The following LIN54 variants were observed in gnomAD, a reference collection of about 807,000 sequenced individuals.
LIN54 encodes the protein lin-54 DREAM MuvB core complex component.
A neutral mutation model predicts 78.7 loss-of-function variants in LIN54; 9 were observed. The ratio of observed to expected loss-of-function variants is 0.11; its 90% CI spans 0.07 to 0.20. LIN54 has a LOEUF of 0.20. LIN54 is among the 10% of genes least tolerant of loss of function. LIN54 has a pLI of 1.00. For synonymous variants in LIN54, 269 were observed against 318.4 expected (o/e 0.84, Z 1.65); for missense variants, 573 against 889.9 (o/e 0.64, Z 4.53).
At position 82,946,435 on chromosome 4, in the gene LIN54, C is replaced by G; in HGVS notation, c.991G>C (p.Val331Leu). 6.2e-7 allele frequency: 1 copy of G among 1,614,102 alleles called. No individual in the cohort carries two copies. Among genetic ancestry groups the G allele is most frequent in the Non-Finnish European group, 8.5e-7 (1 of 1,179,948 alleles). Residue 331 changes from valine to leucine, a missense_variant, in exon 5 of 13, where the codon GTG becomes CTG. Physicochemically the swap from Val to Leu is conservative, Grantham distance 32. This residue lies in a region of LIN54 where 199 missense variants were observed against 260.9 expected (regional missense o/e 0.76). Coordinates refer to ENST00000340417, the MANE Select transcript of LIN54 (RefSeq NM_194282.4). The stretch of plus-strand genomic sequence containing the variant: ...ATTGTCTTAAACTGTGATGTGCTCA[C>G]TCCTCCAACAGTGATGGTCTGCACA... ...STVQTITVGG[V>L]STSQFKTIIP...
In LIN54 at chr4:82,987,405, AAAAAAAC is replaced by A. The variant is rs1039079907; in HGVS notation, c.-32-2536_-32-2530del. 2.0e-4 allele frequency among the ~76,000 whole-genome samples: 30 copies of A among 152,272 alleles called. No homozygotes were observed. In the South Asian group the frequency reaches 3.5e-3, roughly 18 times the overall value. ...GAAAAAATAAGTCTACTTTTCTAAG[AAAAAAAC>A]AAAAAACAAAAAACAAACGGGATAC... On this transcript the variant is annotated intron_variant, in intron 1 of 12. Coordinates refer to ENST00000340417, the MANE Select transcript of LIN54 (RefSeq NM_194282.4).
intron 4 of LIN54, among the ~76,000 whole-genome samples, chr4:82,950,515 T>C (rs1723767705): frequency 6.6e-6 from 1 of 152,348 alleles, no homozygotes; most frequent in Non-Finnish European, 1.5e-5. Context: ...GAACAACATG[T>C]GAACATCTCT....
rs1215410690 is a variant in LIN54, at chr4:83,001,209, A to G, written c.-33+9275T>C. On this transcript the variant is annotated intron_variant, in intron 1 of 12. Coordinates refer to ENST00000340417, the MANE Select transcript of LIN54 (RefSeq NM_194282.4). ...GACATAACCAATGAAGAAAATCATG[A>G]AATAAATTGTGGATATGACAAAAAT... 3.3e-5 allele frequency among the ~76,000 whole-genome samples: 5 copies of G among 152,324 alleles called. No homozygotes were observed. In the East Asian group the frequency reaches 9.7e-4, roughly 29 times the overall value.
At chr4:82,976,382 CA>C (rs34687744) in intron 3 of LIN54, among the ~76,000 whole-genome samples, 47,114 of 136,316 alleles carry the variant, frequency 0.35, 8,375 homozygotes, top group East Asian at 0.52. Context: ...CAAAAATCAT[CA>C]AAAAAAAAAA....
In LIN54 at chr4:82,949,660, G is replaced by A. The variant is rs186204422; in HGVS notation, c.952-3186C>T. ...GATCGGCCTCCCTCAGCTTCCCAAAGTGCTGGGATTACAGGCATTAGCCAC... is the reference window on the plus strand; with the variant it reads ...GATCGGCCTCCCTCAGCTTCCCAAAATGCTGGGATTACAGGCATTAGCCAC... On this transcript the variant is annotated intron_variant, in intron 4 of 12. Transcript: ENST00000340417. Among the ~76,000 whole-genome samples the A allele has an allele frequency of 1.1e-4, 16 of 152,050 alleles. No homozygotes were observed. The East Asian group carries it at 3.1e-3, about 29-fold the overall frequency.
At position 82,984,367 on chromosome 4, in the gene LIN54, G is replaced by T. The variant is rs1384046743; in HGVS notation, c.478C>A (p.Gln160Lys). The change falls in exon 2 of 13, where the codon CAA (glutamine) becomes AAA (lysine). Residue 160 changes from glutamine to lysine, a missense_variant. This residue lies in a region of LIN54 where 183 missense variants were observed against 228.4 expected (regional missense o/e 0.80). Transcript: ENST00000340417. ...SPIVLALPHS[Q>K]LPQAQKVTTQ... ...GTAACTTTCTGAGCCTGGGGTAGTTGGCTATGGGGTAGTGCTAAAACAATT... is the reference window on the plus strand; with the variant it reads ...GTAACTTTCTGAGCCTGGGGTAGTTTGCTATGGGGTAGTGCTAAAACAATT... 6.2e-7 allele frequency: 1 copy of T among 1,614,210 alleles called. No homozygotes were observed. Among genetic ancestry groups the T allele is most frequent in the South Asian group, 1.1e-5 (1 of 91,088 alleles).
At chr4:83,010,937 T>C, upstream of LIN54, 1 of 835,154 alleles carries the variant, frequency 1.2e-6, no homozygotes, top group Admixed American at 4.7e-5. Flanking sequence ...ACAAGGGCCG[T>C]GCAAGTGCAC....
At chr4:82,973,666 T>A (rs1045069074) in intron 3 of LIN54, among the ~76,000 whole-genome samples, 1 of 152,204 alleles carries the variant, frequency 6.6e-6, no homozygotes, top group African/African-American at 2.4e-5. Context: ...ACCTTCTACC[T>A]TGAGAGGTGT....
intron 3 of LIN54, among the ~76,000 whole-genome samples, chr4:82,975,722 AAGAG>A (rs1726110637): frequency 6.6e-6 from 1 of 152,046 alleles, no homozygotes; most frequent in Admixed American, 6.6e-5. Flanking sequence ...TAAAAAAAAA[AAGAG>A]AGCTAGATGA....
intron 11 of LIN54, among the ~76,000 whole-genome samples, chr4:82,933,714 T>C (rs1335575947): frequency 6.6e-6 from 1 of 152,230 alleles, no homozygotes; most frequent in Non-Finnish European, 1.5e-5. Context: ...AGTGTATCTG[T>C]CCCGACAAAA....
chr4:82,947,471 T>A (rs12512925), intron 4 of LIN54, among the ~76,000 whole-genome samples: 62,774 of 148,636 alleles, frequency 0.42, 16,416 homozygotes, highest in Admixed American at 0.58. Context: ...CTGCCCAGGC[T>A]GGTCTTGAAC....
chr4:83,012,642 G>A (rs2126121839), upstream of LIN54: 1 of 152,098 alleles, frequency 6.6e-6, no homozygotes, highest in Non-Finnish European at 1.5e-5. Flanking sequence ...CCCCGCTGGC[G>A]GGTTCCCGCT....
Position 83,010,671 on chromosome 4 carries a change from T to TGGCGACGTCGCCGTCGCCGCCGC in LIN54, c.-243_-221dup. 2 of 1,227,280 alleles carry TGGCGACGTCGCCGTCGCCGCCGC rather than the reference T, an allele frequency of 1.6e-6. No individual in the cohort carries two copies. Among genetic ancestry groups the TGGCGACGTCGCCGTCGCCGCCGC allele is most frequent in the Non-Finnish European group, 2.0e-6 (2 of 985,202 alleles). 76.0% of individuals were successfully genotyped at this position (1,227,280 alleles called of 1,614,324 possible). On this transcript the variant is annotated 5_prime_UTR_variant, in exon 1 of 13. Transcript: ENST00000340417. Reference sequence around the variant, plus strand: ...CCGGGGACCGAGAAGGGAGCCGGGGTGGCGACGTCGCCGTCGCCGCCGCCT... The same window carrying TGGCGACGTCGCCGTCGCCGCCGC: ...CCGGGGACCGAGAAGGGAGCCGGGGTGGCGACGTCGCCGTCGCCGCCGCGGCGACGTCGCCGTCGCCGCCGCCT...
chr4:83,010,840 C>T (rs906776165), upstream of LIN54: 4 of 1,229,258 alleles, frequency 3.3e-6, no homozygotes, highest in Non-Finnish European at 4.1e-6. Flanking sequence ...CCCCTTCCTC[C>T]TCCTCCCCTC....
intron 11 of LIN54, 39 bp from the exon 12 acceptor site, chr4:82,931,184 C>G (rs557722866): frequency 6.9e-7 from 1 of 1,448,784 alleles, no homozygotes; most frequent in Admixed American, 1.7e-5. Flanking sequence ...AAATCAAAAC[C>G]AAAATACATT....
chr4:82,941,337 C>T (rs1285196112), intron 5 of LIN54, among the ~76,000 whole-genome samples: 1 of 151,850 alleles, frequency 6.6e-6, no homozygotes, highest in Admixed American at 6.6e-5. Context: ...TGGGAAGCTG[C>T]AAAGCATATT....
intron 12 of LIN54, among the ~76,000 whole-genome samples, chr4:82,928,637 C>T (rs747285049): frequency 6.6e-6 from 1 of 152,174 alleles, no homozygotes; most frequent in Non-Finnish European, 1.5e-5. Context: ...CATGAATGTA[C>T]GCTCTGTAAG....
Position 82,935,885 on chromosome 4 carries a change from A to G in LIN54, c.1845+96T>C, listed in dbSNP as rs1174947801. 6 of 1,232,462 alleles carry G rather than the reference A, an allele frequency of 4.9e-6. No homozygotes were observed. In the African/African-American group the frequency reaches 6.0e-5, roughly 12 times the overall value. The allele number at this position is 1,232,462 out of a possible 1,614,324, so 76.3% of individuals were successfully genotyped here. On this transcript the variant is annotated intron_variant, in intron 11 of 12. Coordinates refer to ENST00000340417, the MANE Select transcript of LIN54 (RefSeq NM_194282.4). ...ACTGTGCATATTTTCAAATTGCAAT[A>G]GCAAGGTGATTTCCCAATTTTCAAG...
rs1721650603 is a variant in LIN54, at chr4:82,928,271, G to A, written c.2081C>T (p.Ala694Val). The stretch of plus-strand genomic sequence containing the variant: ...AAGGAGGCAATTACATGTGGCTTCA[G>A]CTACTTCCTTAGTTACAAATGTAAA... ...LPFTFVTKEV[A>V]EATCNCLLAQ... Residue 694 changes from alanine to valine, a missense_variant, in exon 13 of 13, where the codon GCT becomes GTT. Coordinates refer to ENST00000340417, the MANE Select transcript of LIN54 (RefSeq NM_194282.4). 6.2e-7 allele frequency: 1 copy of A among 1,614,042 alleles called. No individual in the cohort carries two copies. The highest frequency in any genetic ancestry group is 1.1e-5 in the South Asian group (1 of 91,090).
Sources: allele counts gnomAD v4.1 joint callset (sites outside exome capture counted in the v4.1 genomes callset), GRCh38; gene constraint gnomAD v4.1.1; regional missense constraint gnomAD v4.1.1; transcripts MANE v1.5; gene names NCBI Gene and HGNC (gene_info 2026-07-23, HGNC 2026-07-21).